The following DOCK10 variants were observed in gnomAD, a reference collection of about 807,000 sequenced individuals.
The protein encoded by DOCK10 is dedicator of cytokinesis 10.
A neutral mutation model predicts 280.1 loss-of-function variants in DOCK10; 145 were observed. That is an observed-to-expected ratio of 0.52 (90% CI 0.45 to 0.59). The LOEUF is 0.59. Among genes scored for constraint, DOCK10 ranks in the 20% least tolerant of loss-of-function variants. The pLI is 0.00. For synonymous variants in DOCK10, 915 were observed against 942.2 expected (o/e 0.97, Z 0.53); for missense variants, 2,368 against 2,651.7 (o/e 0.89, Z 2.35).
chr2:224,867,649 T>C (rs2125644615), intron 11 of DOCK10, among the ~76,000 whole-genome samples: 1 of 152,276 alleles, frequency 6.6e-6, no homozygotes, highest in Middle Eastern at 3.4e-3. Flanking sequence ...GTGTGACATG[T>C]GCAAAGACAT....
chr2:224,999,044 G>T (rs1356084141), intron 1 of DOCK10, among the ~76,000 whole-genome samples: 1 of 152,084 alleles, frequency 6.6e-6, no homozygotes, highest in South Asian at 2.1e-4. Flanking sequence ...AAAGTTAGCT[G>T]GGTGTGATGG....
At chr2:224,843,246 T>C (rs1331814482) in intron 22 of DOCK10, among the ~76,000 whole-genome samples, 2 of 152,212 alleles carry the variant, frequency 1.3e-5, no homozygotes, top group East Asian at 3.9e-4. Flanking sequence ...GTGGATATTG[T>C]TTGGCTGGAG....
chr2:224,837,332 A>G (rs1022256346), intron 25 of DOCK10, among the ~76,000 whole-genome samples: 1 of 152,242 alleles, frequency 6.6e-6, no homozygotes, highest in Non-Finnish European at 1.5e-5. Flanking sequence ...ACAAATATAC[A>G]GTAACTGGGA....
chr2:224,865,158 T>C, intron 11 of DOCK10, 71 bp from the exon 12 acceptor site: 1 of 1,424,492 alleles, frequency 7.0e-7, no homozygotes, highest in Non-Finnish European at 9.7e-7. Context: ...CGTTAGTACA[T>C]CATTTAACAA....
chr2:224,777,217 T>C (rs1269374429), intron 51 of DOCK10, among the ~76,000 whole-genome samples: 1 of 152,198 alleles, frequency 6.6e-6, no homozygotes, highest in Non-Finnish European at 1.5e-5. Flanking sequence ...TGTAATGTAA[T>C]GTAATGTAAA....
chr2:224,775,126 A>G lies in DOCK10; in HGVS notation c.5803-11T>C. 6.2e-7 allele frequency: 1 copy of G among 1,613,248 alleles called. No individual in the cohort carries two copies. The highest frequency in any genetic ancestry group is 8.5e-7 in the Non-Finnish European group (1 of 1,179,264). On this transcript the variant is annotated splice_polypyrimidine_tract_variant and intron_variant, in intron 51 of 55. Coordinates refer to ENST00000258390, the MANE Select transcript of DOCK10 (RefSeq NM_014689.3). Reference sequence around the variant, plus strand: ...ATCCTTGGGGTTTACCTGTGTTAACAGATTATGGGCAAAGTGAGTGGTGTG... The same window carrying G: ...ATCCTTGGGGTTTACCTGTGTTAACGGATTATGGGCAAAGTGAGTGGTGTG...
At chr2:224,776,011 ATTT>A (rs58426729) in intron 51 of DOCK10, among the ~76,000 whole-genome samples, 4 of 144,250 alleles carry the variant, frequency 2.8e-5, no homozygotes, top group African/African-American at 7.6e-5. Flanking sequence ...CATCCCATGC[ATTT>A]TTTTTTTTTT....
At chr2:224,778,544 C>G (rs1691043323) in intron 50 of DOCK10, 1 of 471,580 alleles carries the variant, frequency 2.1e-6, no homozygotes, top group South Asian at 2.0e-5. Flanking sequence ...ATTATTTTCT[C>G]TATTTGTAGA....
chr2:225,022,819 A>G (rs192365416), intron 1 of DOCK10, among the ~76,000 whole-genome samples: 23 of 152,320 alleles, frequency 1.5e-4, no homozygotes, highest in African/African-American at 5.3e-4. Flanking sequence ...AAAAGTTGGT[A>G]TACATGGAAT....
At chr2:224,808,428 A>G (rs1241724727) in intron 31 of DOCK10, among the ~76,000 whole-genome samples, 1 of 152,212 alleles carries the variant, frequency 6.6e-6, no homozygotes, top group East Asian at 1.9e-4. Flanking sequence ...GAATCCATCA[A>G]GATGAGTCTT....
chr2:225,006,944 A>C (rs551200977), intron 1 of DOCK10, among the ~76,000 whole-genome samples: 1 of 152,334 alleles, frequency 6.6e-6, no homozygotes, highest in South Asian at 2.1e-4. Context: ...AACTCACCTA[A>C]CTGCAGTCAA....
At chr2:224,848,635 G>T (rs1465272824) in intron 19 of DOCK10, among the ~76,000 whole-genome samples, 1 of 152,194 alleles carries the variant, frequency 6.6e-6, no homozygotes, top group Non-Finnish European at 1.5e-5. Flanking sequence ...TTACTGTGGG[G>T]ATTAAGGGAG....
chr2:224,962,373 A>G (rs1704498682), intron 1 of DOCK10, among the ~76,000 whole-genome samples: 1 of 152,230 alleles, frequency 6.6e-6, no homozygotes, highest in Non-Finnish European at 1.5e-5. Context: ...GCACTAAATA[A>G]GCACTGTAGT....
At position 224,975,414 on chromosome 2, in the gene DOCK10, G is replaced by A. The variant is rs1705376546; in HGVS notation, c.124-43746C>T. Among the ~76,000 whole-genome samples the A allele has an allele frequency of 2.6e-5, 4 of 152,060 alleles. No individual in the cohort carries two copies. In the South Asian group the frequency reaches 8.3e-4, roughly 31 times the overall value. On this transcript the variant is annotated intron_variant, in intron 1 of 55. Transcript: ENST00000258390. The stretch of plus-strand genomic sequence containing the variant: ...CCATGACACAGGCTTTCTTTCCCAG[G>A]GGAATCTGATAATATTCATATATTC...
intron 1 of DOCK10, among the ~76,000 whole-genome samples, chr2:224,940,048 G>A (rs992465177): frequency 3.3e-5 from 5 of 152,100 alleles, no homozygotes; most frequent in Non-Finnish European, 5.9e-5. Context: ...TAATGAAAGC[G>A]TCCTGATTTT....
intron 18 of DOCK10, among the ~76,000 whole-genome samples, chr2:224,851,884 T>C (rs1178565623): frequency 6.6e-6 from 1 of 152,150 alleles, no homozygotes; most frequent in Non-Finnish European, 1.5e-5. Flanking sequence ...CTAAATCATG[T>C]GATCAGCAAC....
chr2:224,958,910 C>A (rs187925092), intron 1 of DOCK10, among the ~76,000 whole-genome samples: 1 of 152,126 alleles, frequency 6.6e-6, no homozygotes, highest in Non-Finnish European at 1.5e-5. Context: ...TCCAAGGCCA[C>A]GGAAAGGTAT....
At chr2:224,881,231 T>C (rs189473763) in intron 7 of DOCK10, among the ~76,000 whole-genome samples, 1 of 152,292 alleles carries the variant, frequency 6.6e-6, no homozygotes, top group Non-Finnish European at 1.5e-5. Context: ...TGTTACTTGT[T>C]TTCTTTGCAT....
At chr2:224,905,309 G>T (rs1193523355) in intron 3 of DOCK10, among the ~76,000 whole-genome samples, 1 of 145,270 alleles carries the variant, frequency 6.9e-6, no homozygotes, top group African/African-American at 2.7e-5. Context: ...CTGCAGCGGC[G>T]CGATCTCGGC....
Sources: gnomAD v4.1 joint callset for allele counts (sites outside exome capture counted in the v4.1 genomes callset) on GRCh38, gnomAD v4.1.1 for gene constraint, MANE v1.5 for transcripts, NCBI Gene and HGNC (gene_info 2026-07-23, HGNC 2026-07-21) for gene names.